The following CEP250 variants were observed in gnomAD, a reference collection of about 807,000 sequenced individuals.
The protein encoded by CEP250 is centrosomal protein 250, also known as centrosome-associated protein CEP250.
CEP250 carries 242 observed loss-of-function variants against 315.7 expected under a neutral mutation model. The observed-to-expected ratio is 0.77, with a 90% CI of 0.69 to 0.85. The LOEUF is 0.85. CEP250 is among the 40% of genes least tolerant of loss of function. The pLI is 0.00. For synonymous variants in CEP250, 1,088 were observed against 1,175.0 expected, an observed-to-expected ratio of 0.93 and a Z score of 1.51; for missense variants, 2,515 against 2,886.4, an observed-to-expected ratio of 0.87 and a Z score of 2.95.
Position 35,503,532 on chromosome 20 carries a change from C to A in CEP250, c.5163C>A (p.Arg1721=). ...EEGKGPSKAQ[R]GSLEHMKLIL... is the part of the protein sequence containing the mutation. ...GGAAGGGCCCAAGTAAAGCACAGCGCGGGAGCCTAGAGCACATGAAGCTGA... is the reference window on the plus strand; with the variant it reads ...GGAAGGGCCCAAGTAAAGCACAGCGAGGGAGCCTAGAGCACATGAAGCTGA... Residue 1721 remains arginine (R), a synonymous_variant, in exon 30 of 35, where the codon CGC becomes CGA. Coordinates refer to ENST00000397527, the MANE Select transcript of CEP250 (RefSeq NM_007186.6). The surrounding 1 kb of genome is among the most constrained non-coding windows in gnomAD (Gnocchi z 4.2). The A allele has an allele frequency of 6.2e-7, 1 of 1,613,992 alleles. No homozygotes were observed. Among genetic ancestry groups the A allele is most frequent in the Non-Finnish European group, 8.5e-7 (1 of 1,179,998 alleles).
chr20:35,475,809 A>G (rs1413223688), intron 15 of CEP250, among the ~76,000 whole-genome samples, 163 bp downstream of exon 15: 2 of 152,222 alleles, frequency 1.3e-5, no homozygotes, highest in African/African-American at 4.8e-5. Context: ...TATTGGAATT[A>G]GAATGGGCTT....
At chr20:35,500,976 A>G (rs1443134269) in intron 28 of CEP250, among the ~76,000 whole-genome samples, 1 of 152,138 alleles carries the variant, frequency 6.6e-6, no homozygotes, top group Non-Finnish European at 1.5e-5. Flanking sequence ...TTTGTCATCC[A>G]TGTTACTTAT....
At chr20:35,510,553 C>T (rs2064326967) in intron 34 of CEP250, among the ~76,000 whole-genome samples, 1 of 152,224 alleles carries the variant, frequency 6.6e-6, no homozygotes, top group African/African-American at 2.4e-5. Context: ...TCCACTCTCC[C>T]TTTCAAGTTG....
At chr20:35,505,153 T>A (rs981624490) in intron 30 of CEP250, 148 bp downstream of exon 30, 2 of 670,274 alleles carry the variant, frequency 3.0e-6, no homozygotes, top group African/African-American at 3.6e-5. Context: ...GGATTCAGGC[T>A]ACTGTGCTAG....
chr20:35,503,943 T>A lies in CEP250; in HGVS notation c.5574T>A (p.His1858Gln). ...CCCATATGACACTGAAGGAGCGTCA[T>A]GGAGAGCTTCAGGACCACAAGGAAC... ...EQAHMTLKER[H>Q]GELQDHKEQA... Residue 1858 changes from histidine (H) to glutamine (Q), a missense_variant, in exon 30 of 35, where the codon CAT becomes CAA. Transcript: ENST00000397527. This position sits in a 1 kb window ranked among gnomAD's most constrained non-coding sequence, Gnocchi z 4.2. 1.2e-6 allele frequency: 2 copies of A among 1,613,318 alleles called. No homozygotes were observed. Among genetic ancestry groups the A allele is most frequent in the Non-Finnish European group, 1.7e-6 (2 of 1,179,668 alleles).
chr20:35,495,143 T>C (rs1054105893), intron 24 of CEP250, among the ~76,000 whole-genome samples: 2 of 152,120 alleles, frequency 1.3e-5, no homozygotes. Flanking sequence ...GGAGAAATAA[T>C]ATGCAAAGGC....
intron 3 of CEP250, among the ~76,000 whole-genome samples, chr20:35,461,959 A>G (rs1004606707): frequency 6.6e-6 from 1 of 152,140 alleles, no homozygotes; most frequent in African/African-American, 2.4e-5. Context: ...GTTTGTGTCT[A>G]TTTCCCCTGC....
At chr20:35,495,778 A>G (rs978881524) in intron 24 of CEP250, among the ~76,000 whole-genome samples, 8 of 152,040 alleles carry the variant, frequency 5.3e-5, no homozygotes, top group South Asian at 2.1e-4. Context: ...CAAAAAAAAG[A>G]CACAGTTTGA....
chr20:35,502,674 G>A lies in CEP250; in HGVS notation c.4305G>A (p.Glu1435=). The change falls in exon 30 of 35, where the codon GAG becomes GAA. Residue 1435 remains glutamate, a synonymous_variant. Transcript: ENST00000397527. ...CCCAGACCCTAGCTGAAAGAGAAGA[G>A]GAGGTGGAGACTCTGCGGGGACAAA... ...LLTQTLAERE[E]EVETLRGQIQ... is the part of the protein sequence containing the mutation. The A allele has an allele frequency of 6.2e-7, 1 of 1,614,268 alleles. No homozygotes were observed. Among genetic ancestry groups the A allele is most frequent in the Non-Finnish European group, 8.5e-7 (1 of 1,180,048 alleles).
At position 35,500,101 on chromosome 20, in the gene CEP250, A is replaced by G. The variant is rs1390779915; in HGVS notation, c.3830A>G (p.Glu1277Gly). 6.2e-7 allele frequency: 1 copy of G among 1,614,084 alleles called. No homozygotes were observed. The highest frequency in any genetic ancestry group is 2.2e-5 in the East Asian group (1 of 44,880). Reference sequence around the variant, plus strand: ...CTGGAAGAGCGTCTAACTGATACTGAGGCTGAGAAGAGCCAGGTCCACACA... The same window carrying G: ...CTGGAAGAGCGTCTAACTGATACTGGGGCTGAGAAGAGCCAGGTCCACACA... The part of the protein sequence containing the change: ...QKLEERLTDT[E>G]AEKSQVHTEL... The change falls in exon 28 of 35, where the codon GAG becomes GGG. Residue 1277 changes from glutamate (E) to glycine (G), a missense_variant. By Grantham distance (98) the Glu-to-Gly change is moderately conservative. Coordinates refer to ENST00000397527, the MANE Select transcript of CEP250 (RefSeq NM_007186.6).
rs569332183 is a variant in CEP250 at position 35,462,654 on chromosome 20, G to A, written c.186+101G>A. ...CAGGAGGCAGAGTCTTGTGGTGGGA[G>A]TGGCCTACATCTAGCATGGTGAGAT... On this transcript the variant is annotated intron_variant, in intron 4 of 34. Coordinates refer to ENST00000397527, the MANE Select transcript of CEP250 (RefSeq NM_007186.6). The A allele has an allele frequency of 7.9e-5, 78 of 989,426 alleles. 1 individual carries two copies. The Middle Eastern group carries it at 3.2e-3, about 41-fold the overall frequency. 61.3% of individuals were successfully genotyped at this position (989,426 alleles called of 1,614,324 possible).
At position 35,512,721 on chromosome 20, in the gene CEP250, G is replaced by A. The variant is rs1398171303; in HGVS notation, c.*1095G>A. ...TTGTTTAATTTTTTTAAGAGACAGG[G>A]TTTTGTCCTGTCTTCCAAGCTGGAG... On this transcript the variant is annotated 3_prime_UTR_variant, in exon 35 of 35. Transcript: ENST00000397527. 1 of 152,180 alleles carries A rather than the reference G, an allele frequency of 6.6e-6. No individual in the cohort carries two copies. Among genetic ancestry groups the A allele is most frequent in the Non-Finnish European group, 1.5e-5 (1 of 68,066 alleles). 9.4% of individuals were successfully genotyped at this position (152,180 alleles called of 1,614,324 possible). A position where few individuals can be genotyped will look rare whatever the true frequency, so the allele number is the denominator to read the frequency against.
chr20:35,508,334 G>A, intron 32 of CEP250, 144 bp downstream of exon 32: 1 of 888,890 alleles, frequency 1.1e-6, no homozygotes, highest in East Asian at 2.6e-5. Flanking sequence ...TTTTTCCCGA[G>A]ACAGAGTCTT....
Position 35,504,076 on chromosome 20 carries a change from C to T in CEP250, c.5707C>T (p.Leu1903=). 1 of 1,608,028 alleles carries T rather than the reference C, an allele frequency of 6.2e-7. No homozygotes were observed. Among genetic ancestry groups the T allele is most frequent in the Non-Finnish European group, 8.5e-7 (1 of 1,176,332 alleles). ...RAESREQEKA[L]LALQQQCAEQ... The stretch of plus-strand genomic sequence containing the variant: ...TGAGTCTCGGGAACAGGAGAAAGCT[C>T]TGTTGGCCCTCCAGCAGCAGTGTGC... The change falls in exon 30 of 35, where the codon CTG becomes TTG. Residue 1903 remains leucine, a synonymous_variant. Transcript: ENST00000397527.
In CEP250 at chr20:35,479,723, A is replaced by G; in HGVS notation, c.2366A>G (p.Gln789Arg). 6.2e-7 allele frequency: 1 copy of G among 1,614,230 alleles called. No individual in the cohort carries two copies. The change falls in exon 19 of 35, where the codon CAG becomes CGG. Residue 789 changes from glutamine (Q) to arginine (R), a missense_variant. By Grantham distance (43) the Gln-to-Arg change is conservative. Transcript: ENST00000397527. ...QNSVIEVTKG[Q>R]LEVQIQTVTQ... ...TCTGTGATAGAGGTCACCAAGGGGC[A>G]GCTGGAGGTCCAGATTCAAACTGTC...
At chr20:35,464,298 G>T (rs535690790) in intron 5 of CEP250, among the ~76,000 whole-genome samples, 2 of 152,172 alleles carry the variant, frequency 1.3e-5, no homozygotes, top group East Asian at 3.9e-4. Flanking sequence ...GTTGGTTTTT[G>T]TTTGTTTGGT....
rs2146876211 is a variant in CEP250, at chr20:35,479,299, A to G, written c.2163A>G (p.Glu721=). 6.2e-7 allele frequency: 1 copy of G among 1,614,234 alleles called. No individual in the cohort carries two copies. ...TACATCAGGAGGCAAAGCGACAGGA[A>G]GAAGTGCTTGCCAGGGCAGTCCAGG... ...EQLHQEAKRQ[E]EVLARAVQEK... is the part of the protein sequence containing the mutation. The change falls in exon 18 of 35, where the codon GAA becomes GAG. Residue 721 remains glutamate, a synonymous_variant. Transcript: ENST00000397527.
In CEP250 at chr20:35,480,164, C is replaced by CG; in HGVS notation, c.2586+22dup. 6.3e-7 allele frequency: 1 copy of CG among 1,599,352 alleles called. No individual in the cohort carries two copies. The highest frequency in any genetic ancestry group is 8.5e-7 in the Non-Finnish European group (1 of 1,172,980). ...GAAATGGGTAAGTGGTCAATGTGGC[C>CG]GGGTATGGCCTCCCTTCCATGAGTG... is the stretch of plus-strand genomic sequence containing the variant. On this transcript the variant is annotated intron_variant, in intron 20 of 34. Coordinates refer to ENST00000397527, the MANE Select transcript of CEP250 (RefSeq NM_007186.6).
At chr20:35,508,847 A>AT (rs1472646857) in intron 32 of CEP250, 96 bp from the exon 33 acceptor site, 11 of 951,136 alleles carry the variant, frequency 1.2e-5, no homozygotes, top group Non-Finnish European at 1.6e-5. Context: ...GTCCCCTCAT[A>AT]TACCTGCACA....
Sources: gnomAD v4.1 joint callset for allele counts (sites outside exome capture counted in the v4.1 genomes callset) on GRCh38, gnomAD v4.1.1 for gene constraint, Gnocchi (gnomAD v3.1) non-coding constraint, MANE v1.5 for transcripts, NCBI Gene and HGNC (gene_info 2026-07-23, HGNC 2026-07-21) for gene names.